Variants in LMBRD2 observed in about 807,000 individuals in gnomAD.
LMBRD2 encodes the protein G protein-coupled receptor-associated protein LMBRD2.
A neutral mutation model predicts 94.4 loss-of-function variants in LMBRD2; 55 were observed. That is an observed-to-expected ratio of 0.58 (90% CI 0.47 to 0.73). The LOEUF (loss-of-function observed/expected upper bound fraction) is 0.73, where lower values mean the gene tolerates loss of function less well. Ranked by LOEUF, LMBRD2 falls within the 30% of genes least tolerant of loss-of-function variation. LMBRD2 has a pLI of 0.00. For missense variants in LMBRD2, 640 were observed against 831.9 expected, an observed-to-expected ratio of 0.77 and a Z score of 2.84; for synonymous variants, 246 against 272.4, an observed-to-expected ratio of 0.90 and a Z score of 0.95.
intron 4 of LMBRD2, among the ~76,000 whole-genome samples, chr5:36,139,563 C>T (rs1330279005): frequency 6.6e-6 from 1 of 152,172 alleles, no homozygotes; most frequent in Admixed American, 6.5e-5. Context: ...TCCAGGTCTG[C>T]CTATGGCCCA....
intron 10 of LMBRD2, 76 bp downstream of exon 10, chr5:36,117,659 G>T: frequency 9.5e-7 from 1 of 1,056,166 alleles, no homozygotes; most frequent in Non-Finnish European, 1.3e-6. Flanking sequence ...TTTACTAGAA[G>T]AAATACATGG....
intron 2 of LMBRD2, 137 bp downstream of exon 2, chr5:36,143,039 T>C (rs1004343079): frequency 1.9e-5 from 13 of 699,308 alleles, no homozygotes; most frequent in Non-Finnish European, 2.8e-5. Flanking sequence ...GCTATGCTTT[T>C]TAATGATCAA....
rs1743306325 is a variant in LMBRD2, at chr5:36,099,589, C to T, written c.*4457G>A. ...AATATCAACTCTAAATGGTGTTGTACAGTCAGTTTAAATAAATTATGATTT... is the reference window on the plus strand; with the variant it reads ...AATATCAACTCTAAATGGTGTTGTATAGTCAGTTTAAATAAATTATGATTT... On this transcript the variant is annotated 3_prime_UTR_variant, in exon 18 of 18. Coordinates refer to ENST00000296603, the MANE Select transcript of LMBRD2 (RefSeq NM_001007527.2). 6.6e-6 allele frequency: 1 copy of T among 152,036 alleles called. No homozygotes were observed. Among genetic ancestry groups the T allele is most frequent in the Non-Finnish European group, 1.5e-5 (1 of 67,998 alleles). 9.4% of individuals were successfully genotyped at this position (152,036 alleles called of 1,614,324 possible). A position where few individuals can be genotyped will look rare whatever the true frequency, so the allele number is the denominator to read the frequency against.
At chr5:36,106,180 C>G (rs1029526839) in intron 16 of LMBRD2, among the ~76,000 whole-genome samples, 8 of 152,140 alleles carry the variant, frequency 5.3e-5, no homozygotes, top group Non-Finnish European at 1.2e-4. Flanking sequence ...ACTTCTTCCA[C>G]TCTATGGTAA....
At position 36,151,841 on chromosome 5, in the gene LMBRD2, G is replaced by A. The variant is rs1319839172; in HGVS notation, c.-343C>T. On this transcript the variant is annotated 5_prime_UTR_variant, in exon 1 of 18. Transcript: ENST00000296603. This position sits in a 1 kb window ranked among gnomAD's most constrained non-coding sequence, Gnocchi z 4.7. ...ATCACCAGAAGGCCTGCGGGCTCCC[G>A]AGAAAGGAAAATCCGTCTACAGTCC... 4.8e-6 allele frequency: 1 copy of A among 206,208 alleles called. No individual in the cohort carries two copies. Among genetic ancestry groups the A allele is most frequent in the Non-Finnish European group, 1.0e-5 (1 of 99,398 alleles). 12.8% of individuals were successfully genotyped at this position (206,208 alleles called of 1,614,324 possible).
intron 13 of LMBRD2, 147 bp downstream of exon 13, chr5:36,114,277 T>C: frequency 1.2e-6 from 1 of 857,268 alleles, no homozygotes; most frequent in Non-Finnish European, 1.6e-6. Context: ...ACCTGATCAC[T>C]CAAGTAGTCC....
At chr5:36,144,718 A>T (rs1744497862) in intron 1 of LMBRD2, among the ~76,000 whole-genome samples, 1 of 152,104 alleles carries the variant, frequency 6.6e-6, no homozygotes, top group South Asian at 2.1e-4. Context: ...ATAAGGGAGA[A>T]CCAATGAAAT....
At chr5:36,140,904 G>C (rs1744393076) in intron 4 of LMBRD2, 1 of 384,130 alleles carries the variant, frequency 2.6e-6, no homozygotes, top group Admixed American at 4.5e-5. Context: ...TCCAGTTTTA[G>C]AGTGCAGTTG....
intron 6 of LMBRD2, among the ~76,000 whole-genome samples, chr5:36,135,419 A>T (rs975969947): frequency 6.6e-6 from 1 of 152,196 alleles, no homozygotes; most frequent in African/African-American, 2.4e-5. Flanking sequence ...TGTTAGGTAA[A>T]TATTAAGTCT....
At chr5:36,144,233 G>C (rs1366106492) in intron 1 of LMBRD2, among the ~76,000 whole-genome samples, 3 of 152,052 alleles carry the variant, frequency 2.0e-5, no homozygotes, top group African/African-American at 7.2e-5. Flanking sequence ...TGAAAAATTT[G>C]ATATCTCTCT....
intron 6 of LMBRD2, among the ~76,000 whole-genome samples, chr5:36,133,665 C>G (rs549239970): frequency 6.6e-6 from 1 of 152,212 alleles, no homozygotes; most frequent in South Asian, 2.1e-4. Flanking sequence ...TGTGTACTTA[C>G]TGCTATTTTC....
rs1743287205 is a variant in LMBRD2 at position 36,098,429 on chromosome 5, A to T, written c.*5617T>A. The T allele has an allele frequency of 6.6e-6, 1 of 152,080 alleles. No homozygotes were observed. Among genetic ancestry groups the T allele is most frequent in the African/African-American group, 2.4e-5 (1 of 41,468 alleles). 9.4% of individuals were successfully genotyped at this position (152,080 alleles called of 1,614,324 possible). On this transcript the variant is annotated 3_prime_UTR_variant, in exon 18 of 18. Transcript: ENST00000296603. ...AAGTAATGTGAAAACTAAAGTACAC[A>T]TATTTATTTTAAAACATTTGTCATA...
At chr5:36,114,567 T>C (rs1355628356) in intron 12 of LMBRD2, 46 bp from the exon 13 acceptor site, 2 of 1,463,870 alleles carry the variant, frequency 1.4e-6, no homozygotes, top group Non-Finnish European at 1.8e-6. Flanking sequence ...AGCTCTATAA[T>C]TTCCATTCCT....
At chr5:36,133,335 C>T (rs1248929956) in intron 6 of LMBRD2, among the ~76,000 whole-genome samples, 6 of 141,940 alleles carry the variant, frequency 4.2e-5, no homozygotes, top group South Asian at 2.5e-4. Flanking sequence ...CACTTATTTA[C>T]GGGGCTGGGA....
rs904634644 is a variant in LMBRD2 at position 36,142,968 on chromosome 5, G to A, written c.174+208C>T. ...TCTCGATCTCCTGACCTTGTGATCC[G>A]CCAGTCTGGGCCTCCCAAAGTGCTA... On this transcript the variant is annotated intron_variant, in intron 2 of 17. Coordinates refer to ENST00000296603, the MANE Select transcript of LMBRD2 (RefSeq NM_001007527.2). Among the ~76,000 whole-genome samples, 12 of 151,768 alleles carry A rather than the reference G, an allele frequency of 7.9e-5. No homozygotes were observed. The highest frequency in any genetic ancestry group is 3.3e-4 in the Admixed American group (5 of 15,236).
intron 16 of LMBRD2, among the ~76,000 whole-genome samples, chr5:36,107,287 T>C (rs1052762101): frequency 2.6e-5 from 4 of 152,232 alleles, no homozygotes; most frequent in Non-Finnish European, 4.4e-5. Context: ...AACATATCAA[T>C]TGGTTATTTC....
At chr5:36,111,372 A>G in intron 13 of LMBRD2, 114 bp from the exon 14 acceptor site, 2 of 742,536 alleles carry the variant, frequency 2.7e-6, no homozygotes, top group Non-Finnish European at 4.7e-6. Context: ...ATTATCTGTT[A>G]TCATATAGTT....
At chr5:36,130,848 A>G (rs1310461357) in intron 6 of LMBRD2, among the ~76,000 whole-genome samples, 1 of 152,178 alleles carries the variant, frequency 6.6e-6, no homozygotes, top group Non-Finnish European at 1.5e-5. Context: ...GTCATAATAA[A>G]AAGTCTCCCA....
intron 5 of LMBRD2, 99 bp from the exon 6 acceptor site, chr5:36,136,618 C>T: frequency 1.0e-6 from 1 of 960,170 alleles, no homozygotes; most frequent in South Asian, 1.5e-5. Flanking sequence ...GTTTCTACTG[C>T]AGTTAAAATT....
Sources: gnomAD v4.1 joint callset for allele counts (sites outside exome capture counted in the v4.1 genomes callset) on GRCh38, gnomAD v4.1.1 for gene constraint, Gnocchi (gnomAD v3.1) non-coding constraint, MANE v1.5 for transcripts, NCBI Gene and HGNC (gene_info 2026-07-23, HGNC 2026-07-21) for gene names.